Variants in PTK2B observed in about 807,000 individuals in gnomAD.
PTK2B encodes the protein protein-tyrosine kinase 2-beta.
Under a neutral mutation model 142.9 loss-of-function variants are expected in PTK2B, and 71 were observed. The observed-to-expected ratio is 0.50, with a 90% CI of 0.41 to 0.61. The LOEUF is 0.61. PTK2B is among the 20% of genes least tolerant of loss of function. The pLI is 0.00. For synonymous variants in PTK2B, 519 were observed against 503.4 expected (o/e 1.03, Z -0.42); for missense variants, 1,105 against 1,320.4 (o/e 0.84, Z 2.53).
intron 1 of PTK2B, among the ~76,000 whole-genome samples, chr8:27,340,533 G>A (rs1475598938): frequency 6.6e-6 from 1 of 152,234 alleles, no homozygotes; most frequent in African/African-American, 2.4e-5. Context: ...CTTAGTGTTG[G>A]ACATCATTCT....
chr8:27,396,945 A>G (rs1053709296), intron 1 of PTK2B, among the ~76,000 whole-genome samples: 2 of 152,134 alleles, frequency 1.3e-5, no homozygotes, highest in Non-Finnish European at 2.9e-5. Context: ...TGTCTATGTG[A>G]TGAGCTCCTG....
rs185415604 is a variant in PTK2B at position 27,410,052 on chromosome 8, T to C, written c.205-9843T>C. ...CTTTTTTTCAACAAAAGCTTAAGTG[T>C]AGTTTATTTATTAAAATGTTAAGTA... On this transcript the variant is annotated intron_variant, in intron 2 of 30. Coordinates refer to ENST00000346049, the MANE Select transcript of PTK2B (RefSeq NM_173176.3). Among the ~76,000 whole-genome samples the C allele has an allele frequency of 8.5e-5, 13 of 152,314 alleles. 1 individual carries two copies. Among genetic ancestry groups the C allele is most frequent in the Middle Eastern group, 3.4e-3 (1 of 294 alleles).
rs189729883 is a variant in PTK2B, at chr8:27,426,089, C to G, written c.551+3706C>G. 9.1e-4 allele frequency among the ~76,000 whole-genome samples: 138 copies of G among 152,234 alleles called. 1 individual carries two copies. Among genetic ancestry groups the G allele is most frequent in the Non-Finnish European group, 1.4e-3 (92 of 68,014 alleles). ...CCTAAAACAACAGCAACAACAACTACAACAAAACAGAGAATACGTAACCCC... is the reference window on the plus strand; with the variant it reads ...CCTAAAACAACAGCAACAACAACTAGAACAAAACAGAGAATACGTAACCCC... On this transcript the variant is annotated intron_variant, in intron 5 of 30. Transcript: ENST00000346049.
At chr8:27,375,790 T>C (rs1443412714) in intron 1 of PTK2B, among the ~76,000 whole-genome samples, 2 of 152,350 alleles carry the variant, frequency 1.3e-5, no homozygotes, top group Middle Eastern at 6.8e-3. Flanking sequence ...TGTCCACTTA[T>C]GTCTGGTTTA....
chr8:27,350,115 G>A (rs927253029), intron 1 of PTK2B, among the ~76,000 whole-genome samples: 1 of 152,172 alleles, frequency 6.6e-6, no homozygotes, highest in African/African-American at 2.4e-5. Context: ...AAAGGTACGG[G>A]GAAGCAATCG....
chr8:27,322,106 C>T (rs929049314), upstream of PTK2B, among the ~76,000 whole-genome samples: 1 of 152,084 alleles, frequency 6.6e-6, no homozygotes, highest in African/African-American at 2.4e-5. Flanking sequence ...TCTCCTGCCT[C>T]AGCCCCACCA....
At position 27,444,225 on chromosome 8, in the gene PTK2B, G is replaced by GGCTCCAA. The variant is rs1394667193; in HGVS notation, c.2168_2169insGCTCCAA (p.Pro724LeufsTer20). The GGCTCCAA allele has an allele frequency of 6.2e-7, 1 of 1,613,666 alleles. No individual in the cohort carries two copies. The highest frequency in any genetic ancestry group is 8.5e-7 in the Non-Finnish European group (1 of 1,179,762). On this transcript the variant is annotated frameshift_variant, in exon 23 of 31. Coordinates refer to ENST00000346049, the MANE Select transcript of PTK2B (RefSeq NM_173176.3). LOFTEE classifies it high-confidence loss of function. ...CTCCAGCCCAGCCGACCTAAGTACA[G>GGCTCCAA]ACCCCCTCCGCAAACCAACCTCCTG...
chr8:27,430,621 A>T (rs1810350070), intron 7 of PTK2B, among the ~76,000 whole-genome samples: 2 of 152,160 alleles, frequency 1.3e-5, no homozygotes, highest in Admixed American at 6.5e-5. Context: ...CCGGCTCCGT[A>T]TCGAGGCCGT....
chr8:27,352,760 CT>C (rs1805172070), intron 1 of PTK2B, among the ~76,000 whole-genome samples: 1 of 152,136 alleles, frequency 6.6e-6, no homozygotes, highest in Non-Finnish European at 1.5e-5. Context: ...CTCTTTTTGC[CT>C]GTTGCCATCC....
Position 27,430,448 on chromosome 8 carries a change from C to G in PTK2B, c.669+30C>G, listed in dbSNP as rs1298964307. 4 of 1,612,274 alleles carry G rather than the reference C, an allele frequency of 2.5e-6. No homozygotes were observed. The South Asian group carries it at 4.4e-5, about 18-fold the overall frequency. ...GGAAACCAATGGGCGAGGACCTCTT[C>G]GTGCTGATTCCCGAGACTAGAGTGT... On this transcript the variant is annotated intron_variant, in intron 7 of 30. Coordinates refer to ENST00000346049, the MANE Select transcript of PTK2B (RefSeq NM_173176.3).
intron 18 of PTK2B, among the ~76,000 whole-genome samples, 193 bp from the exon 19 acceptor site, chr8:27,438,838 C>G (rs1042192231): frequency 6.6e-6 from 1 of 152,158 alleles, no homozygotes; most frequent in Non-Finnish European, 1.5e-5. Flanking sequence ...CAGCTGGGCT[C>G]CCACCTGAGG....
rs536506269 is a variant in PTK2B, at chr8:27,342,493, A to G, written c.-38+16812A>G. 2.0e-5 allele frequency among the ~76,000 whole-genome samples: 3 copies of G among 151,940 alleles called. No homozygotes were observed. The South Asian group carries it at 6.2e-4, about 32-fold the overall frequency. ...GCCCACCCTGGTTGAAACAACGACTATGTTTCCTTTCCTGCCCACAGCGCC... is the reference window on the plus strand; with the variant it reads ...GCCCACCCTGGTTGAAACAACGACTGTGTTTCCTTTCCTGCCCACAGCGCC... On this transcript the variant is annotated intron_variant, in intron 1 of 30. Transcript: ENST00000346049.
At chr8:27,323,097 TAAGAA>T (rs1422942875), upstream of PTK2B, among the ~76,000 whole-genome samples, 1 of 152,022 alleles carries the variant, frequency 6.6e-6, no homozygotes, top group Non-Finnish European at 1.5e-5. Context: ...AGTGAAAAGA[TAAGAA>T]AAGAGAACCT....
intron 4 of PTK2B, 36 bp from the exon 5 acceptor site, chr8:27,422,268 G>A: frequency 6.3e-7 from 1 of 1,591,746 alleles, no homozygotes. Flanking sequence ...GGGAGGTGAG[G>A]GTGCAAGCCT....
At chr8:27,381,049 G>C (rs1194227274) in intron 1 of PTK2B, among the ~76,000 whole-genome samples, 1 of 152,086 alleles carries the variant, frequency 6.6e-6, no homozygotes, top group South Asian at 2.1e-4. Context: ...TTTAATTTTA[G>C]TAATTTTTTA....
chr8:27,343,782 GA>G (rs1466238574), intron 1 of PTK2B, among the ~76,000 whole-genome samples: 3 of 152,064 alleles, frequency 2.0e-5, no homozygotes, highest in Non-Finnish European at 4.4e-5. Context: ...GGTGGATCAC[GA>G]GGTCCACTCT....
chr8:27,458,244 A>G (rs375834958), intron 30 of PTK2B, 50 bp from the exon 31 acceptor site: 1 of 1,568,356 alleles, frequency 6.4e-7, no homozygotes, highest in African/African-American at 1.3e-5. Context: ...CCTATCCTCC[A>G]AGCACAGACT....
chr8:27,366,874 G>A (rs1806049069), intron 1 of PTK2B, among the ~76,000 whole-genome samples: 2 of 152,020 alleles, frequency 1.3e-5, no homozygotes, highest in Non-Finnish European at 2.9e-5. Context: ...GGGTGTGGGG[G>A]AGGGAGGAGC....
intron 5 of PTK2B, among the ~76,000 whole-genome samples, chr8:27,427,712 C>T (rs940339902): frequency 1.3e-5 from 2 of 152,124 alleles, no homozygotes; most frequent in Admixed American, 6.6e-5. Context: ...GACATGTTTT[C>T]TGAAGCTGCC....
Sources: gnomAD v4.1 joint callset for allele counts (sites outside exome capture counted in the v4.1 genomes callset) on GRCh38, gnomAD v4.1.1 for gene constraint, MANE v1.5 for transcripts, NCBI Gene and HGNC (gene_info 2026-07-23, HGNC 2026-07-21) for gene names.